The following LRRC4C variants were observed in gnomAD, a reference collection of about 807,000 sequenced individuals.
LRRC4C encodes leucine rich repeat containing 4C.
In LRRC4C, 5 loss-of-function variants were observed where a neutral mutation model predicts 33.6. That is an observed-to-expected ratio of 0.15 (90% CI 0.08 to 0.31). The LOEUF is 0.31. Ranked by LOEUF, LRRC4C falls within the 10% of genes least tolerant of loss-of-function variation. The pLI is 1.00. For synonymous variants in LRRC4C, 329 were observed against 302.0 expected, an observed-to-expected ratio of 1.09 and a Z score of -0.93; for missense variants, 560 against 796.7, an observed-to-expected ratio of 0.70 and a Z score of 3.58.
chr11:40,171,890 A>G (rs928082855), intron 5 of LRRC4C, among the ~76,000 whole-genome samples: 1 of 152,040 alleles, frequency 6.6e-6, no homozygotes, highest in Non-Finnish European at 1.5e-5. Context: ...TTATGAATAT[A>G]TTAGTGCTTT....
intron 2 of LRRC4C, among the ~76,000 whole-genome samples, chr11:40,845,603 C>T (rs181157209): frequency 2.8e-4 from 42 of 152,124 alleles, no homozygotes; most frequent in African/African-American, 9.2e-4. Context: ...GTGTTGATTC[C>T]AAGTCTTTGC....
intron 2 of LRRC4C, among the ~76,000 whole-genome samples, chr11:40,822,724 C>T (rs1304971948): frequency 1.3e-5 from 2 of 151,520 alleles, no homozygotes; most frequent in Non-Finnish European, 3.0e-5. Context: ...TCTTTGAGGT[C>T]TTACCCCAAA....
At chr11:41,002,120 GTTAAATA>G (rs1305741670) in intron 1 of LRRC4C, among the ~76,000 whole-genome samples, 1 of 152,058 alleles carries the variant, frequency 6.6e-6, no homozygotes, top group Non-Finnish European at 1.5e-5. Context: ...ATATGCTGAA[GTTAAATA>G]TTAAAGACAA....
chr11:40,168,446 A>G (rs529097649), intron 5 of LRRC4C, among the ~76,000 whole-genome samples: 1 of 152,220 alleles, frequency 6.6e-6, no homozygotes, highest in Non-Finnish European at 1.5e-5. Context: ...TGATGCTTCA[A>G]GTCAATGAAT....
intron 2 of LRRC4C, among the ~76,000 whole-genome samples, chr11:40,793,063 C>T (rs1005025434): frequency 1.1e-4 from 17 of 151,836 alleles, no homozygotes; most frequent in African/African-American, 3.9e-4. Flanking sequence ...GTGCAGCACA[C>T]CAACATGGCA....
At chr11:40,191,540 C>A (rs1396910608) in intron 5 of LRRC4C, among the ~76,000 whole-genome samples, 1 of 152,204 alleles carries the variant, frequency 6.6e-6, no homozygotes, top group Admixed American at 6.5e-5. Context: ...GACTTGGATG[C>A]AGCCAAAAAT....
At chr11:40,991,568 A>G (rs1404439183) in intron 1 of LRRC4C, among the ~76,000 whole-genome samples, 1 of 152,218 alleles carries the variant, frequency 6.6e-6, no homozygotes, top group Non-Finnish European at 1.5e-5. Context: ...TGTAATATAT[A>G]ATGAAATAAT....
intron 1 of LRRC4C, among the ~76,000 whole-genome samples, chr11:41,213,601 G>C (rs1175493526): frequency 2.0e-5 from 3 of 152,130 alleles, no homozygotes; most frequent in African/African-American, 4.8e-5. Context: ...TACGTTTTTT[G>C]AGCAGGAAAG....
intron 2 of LRRC4C, among the ~76,000 whole-genome samples, chr11:40,698,506 A>G (rs1296627328): frequency 6.6e-6 from 1 of 151,176 alleles, no homozygotes; most frequent in Non-Finnish European, 1.5e-5. Context: ...TGCCTCACCT[A>G]TTGTCCTTCC....
intron 2 of LRRC4C, among the ~76,000 whole-genome samples, chr11:40,704,491 A>G (rs1946042965): frequency 6.6e-6 from 1 of 152,146 alleles, no homozygotes; most frequent in Admixed American, 6.6e-5. Flanking sequence ...TCTCATCTCC[A>G]ACCATGGTAG....
intron 3 of LRRC4C, among the ~76,000 whole-genome samples, chr11:40,568,814 G>A (rs1957864638): frequency 6.6e-6 from 1 of 152,156 alleles, no homozygotes; most frequent in South Asian, 2.1e-4. Flanking sequence ...AGGAAAGTGG[G>A]AAATTAGGAA....
intron 1 of LRRC4C, among the ~76,000 whole-genome samples, chr11:41,446,542 A>G (rs1339402461): frequency 1.3e-5 from 2 of 149,026 alleles, no homozygotes; most frequent in African/African-American, 5.0e-5. Flanking sequence ...TGTGACTTCC[A>G]CTAGGCTGGA....
At chr11:40,259,794 A>C (rs1437946872) in intron 4 of LRRC4C, among the ~76,000 whole-genome samples, 7 of 152,032 alleles carry the variant, frequency 4.6e-5, no homozygotes, top group African/African-American at 1.7e-4. Context: ...TACCAGTACC[A>C]TGCTGTTTTG....
chr11:41,154,736 G>A (rs1374356551), intron 1 of LRRC4C, among the ~76,000 whole-genome samples: 2 of 152,140 alleles, frequency 1.3e-5, no homozygotes, highest in African/African-American at 2.4e-5. Flanking sequence ...ATCCTAAGAT[G>A]TGTTGAGTCA....
intron 4 of LRRC4C, among the ~76,000 whole-genome samples, chr11:40,306,990 C>T (rs1229988159): frequency 1.4e-4 from 1 of 7,102 alleles, no homozygotes; most frequent in Non-Finnish European, 2.0e-3. Flanking sequence ...AGTTAGATAT[C>T]TATGTATCTA....
At chr11:41,149,646 T>G (rs1411212340) in intron 1 of LRRC4C, among the ~76,000 whole-genome samples, 1 of 151,424 alleles carries the variant, frequency 6.6e-6, no homozygotes, top group African/African-American at 2.4e-5. Context: ...TGGGCACAGA[T>G]AGGATAGATG....
At chr11:40,423,498 C>T (rs1950601044) in intron 3 of LRRC4C, among the ~76,000 whole-genome samples, 2 of 151,922 alleles carry the variant, frequency 1.3e-5, no homozygotes, top group Admixed American at 6.6e-5. Flanking sequence ...GCGCCCGCTA[C>T]CACGCCCGGC....
intron 1 of LRRC4C, among the ~76,000 whole-genome samples, chr11:41,303,107 C>CCACAG (rs1950332074): frequency 6.8e-6 from 1 of 147,032 alleles, no homozygotes; most frequent in Non-Finnish European, 1.5e-5. Context: ...CTCCCTCTCC[C>CCACAG]TCTCCCTCTC....
intron 3 of LRRC4C, among the ~76,000 whole-genome samples, chr11:40,620,467 A>C (rs146574951): frequency 3.1e-4 from 47 of 151,932 alleles, no homozygotes; most frequent in African/African-American, 1.0e-3. Context: ...AAGACCCCAG[A>C]TAGCTCCCTG....
Sources: gnomAD v4.1 joint callset for allele counts (sites outside exome capture counted in the v4.1 genomes callset) on GRCh38, gnomAD v4.1.1 for gene constraint, MANE v1.5 for transcripts, NCBI Gene and HGNC (gene_info 2026-07-23, HGNC 2026-07-21) for gene names.